The following SNX29 variants were observed in gnomAD, a reference collection of about 807,000 sequenced individuals.
The protein encoded by SNX29 is sorting nexin-29.
A neutral mutation model predicts 102.1 loss-of-function variants in SNX29; 78 were observed. That is an observed-to-expected ratio of 0.76 (90% CI 0.64 to 0.92). The LOEUF is 0.92. SNX29 is among the 40% of genes least tolerant of loss of function. The pLI is 0.00. For missense variants in SNX29, 1,280 were observed against 1,061.7 expected (o/e 1.21, Z -2.86); for synonymous variants, 580 against 414.5 (o/e 1.40, Z -4.85).
chr16:12,451,325 G>A (rs904183210), intron 18 of SNX29, among the ~76,000 whole-genome samples: 1 of 152,146 alleles, frequency 6.6e-6, no homozygotes, highest in Non-Finnish European at 1.5e-5. Context: ...TTTATGTTTC[G>A]TCTCCTTGGA....
At chr16:12,482,383 C>G (rs2087988451) in intron 19 of SNX29, among the ~76,000 whole-genome samples, 1 of 152,094 alleles carries the variant, frequency 6.6e-6, no homozygotes, top group African/African-American at 2.4e-5. Flanking sequence ...CTCACCGCAG[C>G]CTCAAACTCC....
intron 13 of SNX29, among the ~76,000 whole-genome samples, chr16:12,140,535 A>G (rs1213095986): frequency 6.6e-6 from 1 of 152,214 alleles, no homozygotes; most frequent in East Asian, 1.9e-4. Context: ...TTGGGGGTGC[A>G]TGCGGTGAGG....
chr16:12,394,237 C>T (rs1019146643), intron 16 of SNX29, among the ~76,000 whole-genome samples: 5 of 152,172 alleles, frequency 3.3e-5, no homozygotes, highest in Non-Finnish European at 4.4e-5. Flanking sequence ...ATCAGAGGTC[C>T]GTTTACCAGC....
At chr16:12,046,295 T>G (rs2050087227) in intron 5 of SNX29, 89 bp from the exon 6 acceptor site, 1 of 1,345,210 alleles carries the variant, frequency 7.4e-7, no homozygotes, top group Non-Finnish European at 1.1e-6. Context: ...GGTGCAGATC[T>G]TCCAGGGAGC....
intron 11 of SNX29, among the ~76,000 whole-genome samples, chr16:12,088,704 G>C (rs2052345066): frequency 6.6e-6 from 1 of 152,246 alleles, no homozygotes; most frequent in South Asian, 2.1e-4. Flanking sequence ...CCAGCACTTT[G>C]GGAGGCTGAG....
At chr16:12,469,202 C>T (rs1363236724) in intron 18 of SNX29, among the ~76,000 whole-genome samples, 1 of 152,218 alleles carries the variant, frequency 6.6e-6, no homozygotes, top group African/African-American at 2.4e-5. Context: ...ATTTACATAA[C>T]CCAGTGAACT....
intron 16 of SNX29, chr16:12,367,007 C>T (rs1225867116): frequency 6.6e-6 from 1 of 152,218 alleles, no homozygotes; most frequent in East Asian, 1.9e-4. Flanking sequence ...CCATTCATTA[C>T]AATTGCCCTG....
chr16:12,541,542 C>T (rs1229298789), intron 20 of SNX29, among the ~76,000 whole-genome samples: 1 of 151,904 alleles, frequency 6.6e-6, no homozygotes, highest in Admixed American at 6.6e-5. Flanking sequence ...AGTTGTTCAT[C>T]AGCCTCCCTT....
chr16:12,202,907 T>C (rs1385702078), intron 14 of SNX29, among the ~76,000 whole-genome samples: 1 of 152,180 alleles, frequency 6.6e-6, no homozygotes, highest in Non-Finnish European at 1.5e-5. Context: ...TCATTAGGAG[T>C]GGGCTCACAT....
intron 13 of SNX29, among the ~76,000 whole-genome samples, chr16:12,138,184 GA>G (rs34886061): frequency 0.67 from 95,361 of 142,378 alleles, 32,945 homozygotes; most frequent in East Asian, 0.91. Flanking sequence ...ACACGAGACT[GA>G]AAAAAAAAGA....
At position 12,069,046 on chromosome 16, in the gene SNX29, T is replaced by C. The variant is rs1338443375; in HGVS notation, c.1244-11T>C. ...AAGTGACCTCTTTCTGTGATTGCTC[T>C]CTCTGCACAGATGCCCCCCTCGGAA... is the stretch of plus-strand genomic sequence containing the variant. On this transcript the variant is annotated splice_polypyrimidine_tract_variant and intron_variant, in intron 9 of 20. Coordinates refer to ENST00000566228, the MANE Select transcript of SNX29 (RefSeq NM_032167.5). The C allele has an allele frequency of 6.2e-7, 1 of 1,613,394 alleles. No individual in the cohort carries two copies. Among genetic ancestry groups the C allele is most frequent in the East Asian group, 2.2e-5 (1 of 44,888 alleles).
chr16:12,270,467 G>C (rs1312592972), intron 14 of SNX29, among the ~76,000 whole-genome samples: 1 of 152,086 alleles, frequency 6.6e-6, no homozygotes, highest in Admixed American at 6.6e-5. Context: ...TTCTCGACTT[G>C]AAAGTAAATC....
intron 19 of SNX29, among the ~76,000 whole-genome samples, chr16:12,510,598 C>G (rs1005446771): frequency 6.6e-6 from 1 of 151,866 alleles, no homozygotes; most frequent in East Asian, 1.9e-4. Context: ...GCTGGAACCC[C>G]GGAGGCAGAG....
chr16:11,999,156 A>G, intron 1 of SNX29, 141 bp from the exon 2 acceptor site: 1 of 719,004 alleles, frequency 1.4e-6, no homozygotes, highest in Non-Finnish European at 2.3e-6. Flanking sequence ...GCAATAGCCA[A>G]ACTTCATTGT....
Position 12,043,031 on chromosome 16 carries a change from C to G in SNX29, c.382C>G (p.Leu128Val). 6.2e-7 allele frequency: 1 copy of G among 1,613,576 alleles called. No individual in the cohort carries two copies. The highest frequency in any genetic ancestry group is 8.5e-7 in the Non-Finnish European group (1 of 1,179,874). Residue 128 changes from leucine (L) to valine (V), a missense_variant, in exon 5 of 21, where the codon CTG becomes GTG. Transcript: ENST00000566228. Reference protein sequence around the residue: ...WLRCALNEHSLERYLHMLLAD... With the variant: ...WLRCALNEHSVERYLHMLLAD... The stretch of plus-strand genomic sequence containing the variant: ...GCGCTGTGCCCTCAACGAACACTCC[C>G]TGGAGCGCTACCTGCACATGCTCCT...
chr16:12,482,977 G>A (rs1005799862), intron 19 of SNX29, among the ~76,000 whole-genome samples: 2 of 152,094 alleles, frequency 1.3e-5, no homozygotes, highest in African/African-American at 2.4e-5. Flanking sequence ...TCTCCCTGGA[G>A]GTGTCCATGC....
chr16:12,275,881 GTTT>G (rs34099498), intron 14 of SNX29, among the ~76,000 whole-genome samples: 6,185 of 104,198 alleles, frequency 0.059, 368 homozygotes, highest in African/African-American at 0.19. Flanking sequence ...CATTTTAATT[GTTT>G]TTTTTTTTTT....
In SNX29 at chr16:12,540,356, G is replaced by C. The variant is rs566993361; in HGVS notation, c.2318+15515G>C. Among the ~76,000 whole-genome samples the C allele has an allele frequency of 6.6e-5, 10 of 152,272 alleles. No individual in the cohort carries two copies. In the South Asian group the frequency reaches 1.7e-3, roughly 25 times the overall value. ...TGATTAAAGAGGAACGTTATCCCCT[G>C]TATTAATTTCTTATTGTTGCCCTAC... On this transcript the variant is annotated intron_variant, in intron 20 of 20. Transcript: ENST00000566228.
chr16:12,361,700 T>G (rs1047652976), intron 16 of SNX29, among the ~76,000 whole-genome samples: 11 of 152,172 alleles, frequency 7.2e-5, no homozygotes, highest in Non-Finnish European at 1.3e-4. Context: ...TTCTTAAACT[T>G]TTTTTCATAT....
Sources: allele counts gnomAD v4.1 joint callset (sites outside exome capture counted in the v4.1 genomes callset), GRCh38; gene constraint gnomAD v4.1.1; transcripts MANE v1.5; gene names NCBI Gene and HGNC (gene_info 2026-07-23, HGNC 2026-07-21).